FCHO2: variants seen among roughly 807,000 people sequenced by gnomAD.
The protein encoded by FCHO2 is FCH and mu domain containing endocytic adaptor 2.
FCHO2 carries 43 observed loss-of-function variants against 114.1 expected under a neutral mutation model. The observed-to-expected ratio is 0.38, with a 90% confidence interval of 0.30 to 0.49. The LOEUF (loss-of-function observed/expected upper bound fraction) is 0.49, where lower values mean the gene tolerates loss of function less well. Among genes scored for constraint, FCHO2 ranks in the 20% least tolerant of loss-of-function variants. FCHO2 has a pLI of 0.97. For missense variants in FCHO2, 807 were observed against 950.4 expected (o/e 0.85, Z 1.98); for synonymous variants, 293 against 315.2 (o/e 0.93, Z 0.75).
intron 1 of FCHO2, among the ~76,000 whole-genome samples, chr5:72,965,574 C>T (rs377174900): frequency 5.3e-5 from 8 of 152,086 alleles, no homozygotes; most frequent in African/African-American, 1.9e-4. Flanking sequence ...TGTATTTTAC[C>T]TCCAGCTCCC....
At chr5:73,015,764 T>G (rs371198234) in intron 7 of FCHO2, 40 bp downstream of exon 7, 11 of 1,302,790 alleles carry the variant, frequency 8.4e-6, no homozygotes, top group African/African-American at 1.5e-5. Flanking sequence ...TCATGAAAAA[T>G]TTGTTTATTT....
chr5:73,042,710 T>G (rs1052350672), intron 11 of FCHO2, among the ~76,000 whole-genome samples: 1 of 152,202 alleles, frequency 6.6e-6, no homozygotes, highest in African/African-American at 2.4e-5. Flanking sequence ...CAGGGGTTAA[T>G]TGCTTTCATT....
At chr5:73,048,870 CT>C (rs764057424) in intron 11 of FCHO2, among the ~76,000 whole-genome samples, 1,909 of 105,484 alleles carry the variant, frequency 0.018, 3 homozygotes, top group African/African-American at 0.031. Flanking sequence ...AATTTGCTAT[CT>C]TTTTTTTTTT....
intron 22 of FCHO2, among the ~76,000 whole-genome samples, chr5:73,079,090 GA>G (rs1743010573): frequency 6.6e-6 from 1 of 152,152 alleles, no homozygotes; most frequent in African/African-American, 2.4e-5. Context: ...AAGCTTACAA[GA>G]ATAAGTCAAG....
intron 8 of FCHO2, among the ~76,000 whole-genome samples, chr5:73,029,632 A>G (rs569484578): frequency 6.6e-6 from 1 of 152,192 alleles, no homozygotes; most frequent in Admixed American, 6.5e-5. Context: ...TACAGGCTTT[A>G]TAGGAAGCAT....
intron 8 of FCHO2, among the ~76,000 whole-genome samples, chr5:73,023,407 TA>T (rs1324779498): frequency 6.6e-6 from 1 of 152,126 alleles, no homozygotes; most frequent in African/African-American, 2.4e-5. Flanking sequence ...GCCTTAAAAT[TA>T]ATGTAGTCCA....
chr5:73,021,674 T>TAA (rs1755636062), intron 8 of FCHO2, among the ~76,000 whole-genome samples: 1 of 152,222 alleles, frequency 6.6e-6, no homozygotes, highest in Non-Finnish European at 1.5e-5. Flanking sequence ...TGTTGCTGTC[T>TAA]ACCATTAAAT....
chr5:73,084,548 G>A (rs1182288129), intron 24 of FCHO2, among the ~76,000 whole-genome samples: 5 of 152,244 alleles, frequency 3.3e-5, no homozygotes, highest in Non-Finnish European at 5.9e-5. Context: ...TTACAGGCAT[G>A]AGCCACCATG....
chr5:72,978,362 T>C (rs1177741292), intron 2 of FCHO2, among the ~76,000 whole-genome samples: 27 of 152,222 alleles, frequency 1.8e-4, no homozygotes, highest in Admixed American at 1.6e-3. Context: ...TTTATTCTTT[T>C]TGTGGCAATT....
intron 10 of FCHO2, among the ~76,000 whole-genome samples, chr5:73,038,579 CATA>C (rs1423723338): frequency 5.3e-5 from 8 of 152,286 alleles, no homozygotes; most frequent in South Asian, 4.1e-4. Flanking sequence ...ATATTTTTAA[CATA>C]AGAGAACAGT....
chr5:72,971,300 A>G (rs1253740015), intron 2 of FCHO2, among the ~76,000 whole-genome samples: 5 of 151,710 alleles, frequency 3.3e-5, no homozygotes, highest in Non-Finnish European at 7.4e-5. Flanking sequence ...TGGTTGAACT[A>G]GTTTACAGTC....
At position 73,089,835 on chromosome 5, in the gene FCHO2, A is replaced by T. The variant is rs896504812; in HGVS notation, c.*1745A>T. The T allele has an allele frequency of 1.3e-5, 2 of 152,570 alleles. No individual in the cohort carries two copies. The highest frequency in any genetic ancestry group is 2.9e-5 in the Non-Finnish European group (2 of 67,968). 9.5% of individuals were successfully genotyped at this position (152,570 alleles called of 1,614,324 possible). On this transcript the variant is annotated 3_prime_UTR_variant, in exon 26 of 26. Coordinates refer to ENST00000430046, the MANE Select transcript of FCHO2 (RefSeq NM_138782.3). ...CAGTATATGCTTTTTTATATATTCA[A>T]TGTTAGCCCAAGTCTGAATTTACAT...
chr5:72,990,395 A>G, intron 3 of FCHO2, 83 bp from the exon 4 acceptor site: 4 of 1,088,160 alleles, frequency 3.7e-6, no homozygotes, highest in Non-Finnish European at 5.2e-6. Flanking sequence ...ATATACCACT[A>G]TTATTTCCAC....
chr5:73,035,335 C>T (rs113325297), intron 9 of FCHO2, among the ~76,000 whole-genome samples: 21 of 152,202 alleles, frequency 1.4e-4, no homozygotes, highest in African/African-American at 4.8e-4. Flanking sequence ...AGAAGGATTG[C>T]TGGAGCCTGG....
chr5:72,974,843 GGTT>G (rs1322867170), intron 2 of FCHO2, among the ~76,000 whole-genome samples: 1 of 152,128 alleles, frequency 6.6e-6, no homozygotes, highest in African/African-American at 2.4e-5. Flanking sequence ...GGCTGGTACT[GGTT>G]GTTCCTTTCC....
chr5:72,997,133 T>G, intron 5 of FCHO2: 1 of 1,129,686 alleles, frequency 8.9e-7, no homozygotes, highest in Non-Finnish European at 1.3e-6. Context: ...ACTTATTCAC[T>G]CCCACCATGA....
rs1284913518 is a variant in FCHO2 at position 72,968,363 on chromosome 5, T to TA, written c.34-134dup. 6 of 561,872 alleles carry TA rather than the reference T, an allele frequency of 1.1e-5. No individual in the cohort carries two copies. The East Asian group carries it at 2.0e-4, about 19-fold the overall frequency. 34.8% of individuals were successfully genotyped at this position (561,872 alleles called of 1,614,324 possible). On this transcript the variant is annotated intron_variant, in intron 1 of 25. Coordinates refer to ENST00000430046, the MANE Select transcript of FCHO2 (RefSeq NM_138782.3). ...TATTGCTTTATACTGTTTAAAATCA[T>TA]ACAATAAATGAGAAAAATTTATGAA...
chr5:73,045,009 AAGAT>A (rs1371214299), intron 11 of FCHO2, among the ~76,000 whole-genome samples: 2 of 152,226 alleles, frequency 1.3e-5, no homozygotes, highest in Admixed American at 1.3e-4. Context: ...TAGCAGTAAA[AAGAT>A]AGTACACTGA....
chr5:73,008,029 A>T (rs1219959373), intron 6 of FCHO2, among the ~76,000 whole-genome samples: 5 of 152,186 alleles, frequency 3.3e-5, no homozygotes, highest in African/African-American at 1.2e-4. Context: ...AAAGTAAAAA[A>T]TGCTTACTAA....
Sources: allele counts gnomAD v4.1 joint callset (sites outside exome capture counted in the v4.1 genomes callset), GRCh38; gene constraint gnomAD v4.1.1; transcripts MANE v1.5; gene names NCBI Gene and HGNC (gene_info 2026-07-23, HGNC 2026-07-21).